PIEZO1: variants seen among roughly 807,000 people sequenced by gnomAD.
PIEZO1 encodes the protein piezo type mechanosensitive ion channel component 1 (Er blood group).
PIEZO1 carries 296 observed loss-of-function variants against 297.2 expected under a neutral mutation model. That is an observed-to-expected ratio of 1.00 (90% CI 0.91 to 1.10). PIEZO1 has a LOEUF of 1.10. PIEZO1 is among the 50% of genes least tolerant of loss of function. PIEZO1 has a pLI of 0.00. For missense variants in PIEZO1, 5,018 were observed against 3,455.5 expected (o/e 1.45, Z -11.34); for synonymous variants, 2,427 against 1,507.5 (o/e 1.61, Z -14.13).
At position 88,733,356 on chromosome 16, in the gene PIEZO1, G is replaced by A. The variant is rs1276607901; in HGVS notation, c.2586C>T (p.Thr862=). Residue 862 remains threonine (T), a synonymous_variant, in exon 19 of 51, where the codon ACC becomes ACT. Coordinates refer to ENST00000301015, the MANE Select transcript of PIEZO1 (RefSeq NM_001142864.4). ...PMASCLSTVW[T]CVIIVCKMLY... ...GCATCTTACACACGATGATGACGCA[G>A]GTCCACACGGTGGACAGGCAGGAGG... 7 of 1,550,014 alleles carry A rather than the reference G, an allele frequency of 4.5e-6. No homozygotes were observed. Among genetic ancestry groups the A allele is most frequent in the African/African-American group, 2.7e-5 (2 of 73,068 alleles).
intron 21 of PIEZO1, 91 bp downstream of exon 21, chr16:88,732,244 G>T: frequency 1.7e-6 from 2 of 1,159,596 alleles, no homozygotes; most frequent in East Asian, 2.6e-5. Context: ...AACCCAGGTG[G>T]GGCCAGGCTT....
At chr16:88,772,257 C>T (rs571133152) in intron 1 of PIEZO1, among the ~76,000 whole-genome samples, 47 of 152,370 alleles carry the variant, frequency 3.1e-4, no homozygotes, top group African/African-American at 1.1e-3. Flanking sequence ...TGTCCAAGCT[C>T]AGAAGGAGGG....
intron 1 of PIEZO1, among the ~76,000 whole-genome samples, chr16:88,770,028 G>A (rs973492407): frequency 6.6e-5 from 10 of 152,200 alleles, no homozygotes; most frequent in African/African-American, 2.4e-4. Flanking sequence ...GCCCCTGAGA[G>A]AGGAAGTGAG....
rs1438407331 is a variant in PIEZO1, at chr16:88,726,764, C to G, written c.3650G>C (p.Cys1217Ser). 6.5e-7 allele frequency: 1 copy of G among 1,550,072 alleles called. No homozygotes were observed. Among genetic ancestry groups the G allele is most frequent in the Non-Finnish European group, 8.7e-7 (1 of 1,146,880 alleles). ...DTRARLVLWD[C>S]LILYNVTVII... ...GACGGTGACGTTGTACAGAATGAGG[C>G]AGTCCCACAGCACGAGGCGGGCCCG... The change falls in exon 25 of 51, where the codon TGC (cysteine) becomes TCC (serine). Residue 1217 changes from cysteine to serine, a missense_variant. Cys to Ser is a moderately radical substitution (Grantham distance 112). Transcript: ENST00000301015.
intron 1 of PIEZO1, among the ~76,000 whole-genome samples, chr16:88,752,432 T>C (rs537284911): frequency 3.6e-4 from 55 of 152,300 alleles, no homozygotes; most frequent in Middle Eastern, 3.4e-3. Context: ...CAGTGAGCCA[T>C]GATCACGCTG....
intron 1 of PIEZO1, among the ~76,000 whole-genome samples, chr16:88,780,601 A>G (rs1408563197): frequency 6.6e-6 from 1 of 152,230 alleles, no homozygotes; most frequent in Non-Finnish European, 1.5e-5. Context: ...AGGATTCTCT[A>G]CCACAAGGAA....
chr16:88,730,803 G>A (rs1315615667), intron 22 of PIEZO1, among the ~76,000 whole-genome samples: 2 of 152,180 alleles, frequency 1.3e-5, no homozygotes, highest in Non-Finnish European at 2.9e-5. Context: ...GGAGGCCCAG[G>A]GTCTGCGGAT....
chr16:88,774,966 G>A (rs944820112), intron 1 of PIEZO1, among the ~76,000 whole-genome samples: 4 of 152,222 alleles, frequency 2.6e-5, no homozygotes, highest in Admixed American at 1.3e-4. Context: ...GCTATGTAAC[G>A]ACAGGGCGGT....
intron 1 of PIEZO1, among the ~76,000 whole-genome samples, chr16:88,757,315 C>CTGG: frequency 1.9e-4 from 1 of 5,364 alleles, no homozygotes; most frequent in Non-Finnish European, 4.0e-4. Flanking sequence ...GGGGGCGTTG[C>CTGG]TGGCGGGGGG....
intron 25 of PIEZO1, 32 bp downstream of exon 25, chr16:88,726,683 G>A: frequency 1.9e-6 from 3 of 1,546,056 alleles, no homozygotes; most frequent in Non-Finnish European, 2.6e-6. Flanking sequence ...CGGGGCCCCA[G>A]GGCGGTGGGT....
At chr16:88,737,836 G>T (rs1302659958) in intron 8 of PIEZO1, 22 bp from the exon 9 acceptor site, 2 of 1,534,874 alleles carry the variant, frequency 1.3e-6, no homozygotes, top group East Asian at 4.9e-5. Context: ...AGCGTCTTGA[G>T]CCCAAACCAG....
intron 6 of PIEZO1, 26 bp from the exon 7 acceptor site, chr16:88,738,466 G>A (rs1233183523): frequency 1.3e-6 from 2 of 1,533,238 alleles, no homozygotes; most frequent in South Asian, 2.4e-5. Flanking sequence ...ACACAGGGTG[G>A]TACCTGGCCA....
intron 36 of PIEZO1, 70 bp from the exon 37 acceptor site, chr16:88,722,136 G>T: frequency 3.9e-6 from 6 of 1,521,074 alleles, no homozygotes; most frequent in South Asian, 2.5e-5. Flanking sequence ...ATCTGTTGCC[G>T]GTCACAGTCA....
At chr16:88,715,889 G>A (rs537177055) in intron 50 of PIEZO1, 35 bp from the exon 51 acceptor site, 94 of 1,543,192 alleles carry the variant, frequency 6.1e-5, no homozygotes, top group Admixed American at 2.8e-4. Flanking sequence ...GGGGCCGCCC[G>A]GAGCCCCCCG....
intron 2 of PIEZO1, among the ~76,000 whole-genome samples, chr16:88,746,301 T>A (rs531254091): frequency 6.6e-6 from 1 of 152,154 alleles, no homozygotes; most frequent in African/African-American, 2.4e-5. Flanking sequence ...TGGGGGGTGA[T>A]CTCTCTCCAG....
intron 22 of PIEZO1, among the ~76,000 whole-genome samples, chr16:88,729,654 G>A (rs1467065475): frequency 7.3e-6 from 1 of 137,232 alleles, no homozygotes; most frequent in African/African-American, 3.0e-5. Context: ...GGAACCTCGC[G>A]ACCCAAAAAC....
intron 44 of PIEZO1, chr16:88,718,668 G>A (rs1263168117): frequency 1.3e-5 from 2 of 152,264 alleles, no homozygotes; most frequent in Non-Finnish European, 2.9e-5. Flanking sequence ...CTAGGGGCCA[G>A]GGGAGGGGAA....
At position 88,752,371 on chromosome 16, in the gene PIEZO1, A is replaced by T. The variant is rs185259027; in HGVS notation, c.65-2892T>A. Among the ~76,000 whole-genome samples, 59 of 152,068 alleles carry T rather than the reference A, an allele frequency of 3.9e-4. No homozygotes were observed. The East Asian group carries it at 0.011, about 28-fold the overall frequency. On this transcript the variant is annotated intron_variant, in intron 1 of 50. Coordinates refer to ENST00000301015, the MANE Select transcript of PIEZO1 (RefSeq NM_001142864.4). The stretch of plus-strand genomic sequence containing the variant: ...ATGGTGCATGCCTGTGGTCCCAGCT[A>T]CTCAGGAGGCTGGAGCAGGAGGATC...
Position 88,726,918 on chromosome 16 carries a change from G to C in PIEZO1, c.3496C>G (p.Leu1166Val), listed in dbSNP as rs1053950366. Residue 1166 changes from leucine to valine, a missense_variant, in exon 25 of 51, where the codon CTG becomes GTG. By Grantham distance (32) the Leu-to-Val change is conservative (BLOSUM62 1). Coordinates refer to ENST00000301015, the MANE Select transcript of PIEZO1 (RefSeq NM_001142864.4). ...ACCACCACCAGCACCAGCCAGAACA[G>C]GTATCGGAAGACGGCCACCTTCAGC... is the stretch of plus-strand genomic sequence containing the variant. ...DMLKVAVFRY[L>V]FWLVLVVVFV... 13 of 1,550,466 alleles carry C rather than the reference G, an allele frequency of 8.4e-6. No individual in the cohort carries two copies. Among genetic ancestry groups the C allele is most frequent in the Non-Finnish European group, 1.1e-5 (13 of 1,146,914 alleles).
Sources: gnomAD v4.1 joint callset for allele counts (sites outside exome capture counted in the v4.1 genomes callset) on GRCh38, gnomAD v4.1.1 for gene constraint, MANE v1.5 for transcripts, NCBI Gene and HGNC (gene_info 2026-07-23, HGNC 2026-07-21) for gene names.